Variants in CPXM2 observed in about 807,000 individuals in gnomAD.
The protein encoded by CPXM2 is carboxypeptidase X, M14 family member 2, also known as inactive carboxypeptidase-like protein X2.
In CPXM2, 66 loss-of-function variants were observed where a neutral mutation model predicts 86.1. The ratio of observed to expected loss-of-function variants is 0.77; its 90% confidence interval spans 0.63 to 0.94. CPXM2 has a LOEUF of 0.94. Among genes scored for constraint, CPXM2 ranks in the 40% least tolerant of loss-of-function variants. The pLI, the probability that CPXM2 is intolerant of heterozygous loss-of-function variation, is 0.00. For synonymous variants in CPXM2, 388 were observed against 400.2 expected (o/e 0.97, Z 0.36); for missense variants, 948 against 1,026.3 (o/e 0.92, Z 1.04).
rs78038504 is a variant in CPXM2, at chr10:123,749,799, C to T, written c.2018-2782G>A. On this transcript the variant is annotated intron_variant, in intron 13 of 13. Transcript: ENST00000241305. ...AGATTCCATTTAAATGCCTAGAGTT[C>T]GTTTCTTGTTTTGTTTTGTTTTTTG... is the stretch of plus-strand genomic sequence containing the variant. 4.3e-3 allele frequency among the ~76,000 whole-genome samples: 658 copies of T among 152,128 alleles called. 1 individual carries two copies. Among genetic ancestry groups the T allele is most frequent in the Middle Eastern group, 0.01 (3 of 294 alleles).
rs1442085672 is a variant in CPXM2, at chr10:123,769,596, A to G, written c.1103-874T>C. ...GACCCTGTCTCAAAAAGAGAAAAAA[A>G]ATAAAAGAGGTGGTGCCTTCAAGAG... On this transcript the variant is annotated intron_variant, in intron 8 of 13. Transcript: ENST00000241305. 2.0e-5 allele frequency: 3 copies of G among 152,238 alleles called. No individual in the cohort carries two copies. The East Asian group carries it at 5.8e-4, about 29-fold the overall frequency. 9.4% of individuals were successfully genotyped at this position (152,238 alleles called of 1,614,324 possible). A position where few individuals can be genotyped will look rare whatever the true frequency, so the allele number is the denominator to read the frequency against.
chr10:123,869,821 A>G (rs1944861809), intron 2 of CPXM2, among the ~76,000 whole-genome samples: 1 of 152,202 alleles, frequency 6.6e-6, no homozygotes, highest in African/African-American at 2.4e-5. Flanking sequence ...CCATTTATGC[A>G]CAGCAGCTCT....
chr10:123,870,192 G>A lies in CPXM2; in HGVS notation c.404-7469C>T, dbSNP rs573794308. 5.8e-3 allele frequency among the ~76,000 whole-genome samples: 209 copies of A among 35,808 alleles called. 1 individual carries two copies. In the African/African-American group the frequency reaches 0.071, roughly 12 times the overall value. 23.5% of individuals were successfully genotyped at this position (35,808 alleles called of 152,430 possible). On this transcript the variant is annotated intron_variant, in intron 2 of 13. Coordinates refer to ENST00000241305, the MANE Select transcript of CPXM2 (RefSeq NM_198148.3). ...GGATGCCGAACACAGTTCAATAGTCGTTAGGTGTCTTGAGTTATAAAATCT... is the reference window on the plus strand; with the variant it reads ...GGATGCCGAACACAGTTCAATAGTCATTAGGTGTCTTGAGTTATAAAATCT...
At chr10:123,842,143 G>C (rs942325472) in intron 4 of CPXM2, among the ~76,000 whole-genome samples, 1 of 152,146 alleles carries the variant, frequency 6.6e-6, no homozygotes, top group Non-Finnish European at 1.5e-5. Context: ...TCCTGTACAG[G>C]GGGAGGGTGT....
intron 11 of CPXM2, among the ~76,000 whole-genome samples, chr10:123,759,598 C>T (rs1187604083): frequency 6.6e-6 from 1 of 152,202 alleles, no homozygotes; most frequent in African/African-American, 2.4e-5. Context: ...GAACAAGGGG[C>T]CATGACGTGC....
rs181884887 is a variant in CPXM2, at chr10:123,826,174, C to T, written c.653+16175G>A. On this transcript the variant is annotated intron_variant, in intron 4 of 13. Transcript: ENST00000241305. ...GAAGCACATGAAATCAAGTAACTTG[C>T]TCTCAGTCACACAGAAAGTGGCAAA... Among the ~76,000 whole-genome samples, 25 of 152,288 alleles carry T rather than the reference C, an allele frequency of 1.6e-4. 1 individual carries two copies. The highest frequency in any genetic ancestry group is 4.6e-4 in the African/African-American group (19 of 41,564).
chr10:123,814,879 G>A (rs1896391), intron 4 of CPXM2, among the ~76,000 whole-genome samples: 8,524 of 152,156 alleles, frequency 0.056, 309 homozygotes, highest in South Asian at 0.081. Context: ...ACAAAAATTA[G>A]CTGGGTGTGG....
chr10:123,789,596 T>A (rs938040868), intron 6 of CPXM2, among the ~76,000 whole-genome samples: 1 of 152,276 alleles, frequency 6.6e-6, no homozygotes, highest in African/African-American at 2.4e-5. Context: ...AAATGCTTGT[T>A]CCTTGGTGCT....
chr10:123,820,241 A>G (rs1160682532), intron 4 of CPXM2, among the ~76,000 whole-genome samples: 1 of 152,200 alleles, frequency 6.6e-6, no homozygotes, highest in Non-Finnish European at 1.5e-5. Flanking sequence ...TGACTAATAC[A>G]GGTGCTGATG....
chr10:123,820,741 G>A (rs1429521910), intron 4 of CPXM2, among the ~76,000 whole-genome samples: 1 of 152,086 alleles, frequency 6.6e-6, no homozygotes, highest in African/African-American at 2.4e-5. Context: ...CCTGGCTGGT[G>A]GCCACCTTTA....
At chr10:123,890,798 A>G (rs1020713015) in intron 1 of CPXM2, among the ~76,000 whole-genome samples, 4 of 152,150 alleles carry the variant, frequency 2.6e-5, no homozygotes, top group African/African-American at 9.7e-5. Flanking sequence ...GACTCCAGGC[A>G]CAGACTCCCC....
rs201749379 is a variant in CPXM2, at chr10:123,746,741, C to A, written c.*23G>T. On this transcript the variant is annotated 3_prime_UTR_variant, in exon 14 of 14. Coordinates refer to ENST00000241305, the MANE Select transcript of CPXM2 (RefSeq NM_198148.3). ...TGGTTTAATTTGCATGGGTCCCAGA[C>A]GAGTCTCAAGGGCCCAGGAGGGTCA... 1 of 1,611,690 alleles carries A rather than the reference C, an allele frequency of 6.2e-7. No homozygotes were observed. Among genetic ancestry groups the A allele is most frequent in the Admixed American group, 1.7e-5 (1 of 59,902 alleles).
At chr10:123,937,330 C>T (rs530662958) in intron 2 of CPXM2, among the ~76,000 whole-genome samples, 7 of 152,282 alleles carry the variant, frequency 4.6e-5, no homozygotes, top group South Asian at 2.1e-4. Flanking sequence ...AGCATTGACC[C>T]GGCAGCTCAG....
At chr10:123,770,349 T>C (rs1298229563) in intron 8 of CPXM2, among the ~76,000 whole-genome samples, 1 of 152,164 alleles carries the variant, frequency 6.6e-6, no homozygotes, top group Non-Finnish European at 1.5e-5. Flanking sequence ...CCTGAGACCC[T>C]GATGAATGTT....
chr10:123,803,868 G>T (rs1221474298), intron 4 of CPXM2, among the ~76,000 whole-genome samples: 2 of 151,978 alleles, frequency 1.3e-5, no homozygotes, highest in African/African-American at 2.4e-5. Context: ...CATCATGTTT[G>T]CCAAGATGGT....
chr10:123,916,923 A>G (rs1201749757), intron 2 of CPXM2, among the ~76,000 whole-genome samples: 2 of 152,046 alleles, frequency 1.3e-5, no homozygotes, highest in Non-Finnish European at 2.9e-5. Context: ...GACTACAGGC[A>G]CATGCCACCA....
intron 2 of CPXM2, among the ~76,000 whole-genome samples, chr10:123,915,286 G>A (rs902566597): frequency 6.6e-6 from 1 of 152,202 alleles, no homozygotes; most frequent in Non-Finnish European, 1.5e-5. Context: ...GGCCGGGTGC[G>A]GTGGCTCATA....
chr10:123,801,629 T>C (rs898791445), intron 4 of CPXM2, among the ~76,000 whole-genome samples: 1 of 152,220 alleles, frequency 6.6e-6, no homozygotes, highest in African/African-American at 2.4e-5. Flanking sequence ...TGAAATATGA[T>C]CATGTCATCC....
chr10:123,866,110 C>G (rs1004360827), intron 2 of CPXM2, among the ~76,000 whole-genome samples: 7 of 152,144 alleles, frequency 4.6e-5, no homozygotes, highest in African/African-American at 4.8e-5. Context: ...TTCCCCAGGG[C>G]AGTCTTTCCT....
Sources: gnomAD v4.1 joint callset for allele counts (sites outside exome capture counted in the v4.1 genomes callset) on GRCh38, gnomAD v4.1.1 for gene constraint, MANE v1.5 for transcripts, NCBI Gene and HGNC (gene_info 2026-07-23, HGNC 2026-07-21) for gene names.